Variants in PPM1L observed in about 807,000 individuals in gnomAD.
The protein encoded by PPM1L is protein phosphatase 1L.
Under a neutral mutation model 31.4 loss-of-function variants are expected in PPM1L, and 13 were observed. The observed-to-expected ratio is 0.41, with a 90% CI of 0.27 to 0.66. The LOEUF (loss-of-function observed/expected upper bound fraction) is 0.66, where lower values mean the gene tolerates loss of function less well. Among genes scored for constraint, PPM1L ranks in the 30% least tolerant of loss-of-function variants. PPM1L has a pLI of 0.29. For synonymous variants in PPM1L, 184 were observed against 175.4 expected (o/e 1.05, Z -0.39); for missense variants, 326 against 453.7 (o/e 0.72, Z 2.56).
chr3:160,891,171 C>T (rs1046992324), intron 1 of PPM1L, among the ~76,000 whole-genome samples: 13 of 152,128 alleles, frequency 8.5e-5, no homozygotes, highest in African/African-American at 3.1e-4. Context: ...AAGAAACTAT[C>T]ATCAGAGTGA....
intron 1 of PPM1L, among the ~76,000 whole-genome samples, chr3:160,762,399 C>T (rs1310271156): frequency 6.6e-6 from 1 of 152,160 alleles, no homozygotes; most frequent in Non-Finnish European, 1.5e-5. Context: ...CTTGCTGCGT[C>T]TTCTGAACAG....
intron 2 of PPM1L, among the ~76,000 whole-genome samples, chr3:161,012,918 A>G (rs1341770296): frequency 6.6e-6 from 1 of 150,510 alleles, no homozygotes; most frequent in South Asian, 2.1e-4. Flanking sequence ...TTTTTTCTTT[A>G]TTAGTCTTGC....
intron 1 of PPM1L, among the ~76,000 whole-genome samples, chr3:160,958,978 T>C (rs1465398697): frequency 6.6e-6 from 1 of 152,098 alleles, no homozygotes; most frequent in Admixed American, 6.5e-5. Flanking sequence ...AGTTATTATA[T>C]AAAAAAGACA....
chr3:160,895,495 G>C (rs926434601), intron 1 of PPM1L, among the ~76,000 whole-genome samples: 3 of 152,156 alleles, frequency 2.0e-5, no homozygotes, highest in Admixed American at 2.0e-4. Context: ...TGGGATTACA[G>C]GCATGAACCA....
At chr3:160,913,647 G>A (rs1043356442) in intron 1 of PPM1L, among the ~76,000 whole-genome samples, 4 of 152,108 alleles carry the variant, frequency 2.6e-5, no homozygotes, top group African/African-American at 4.8e-5. Flanking sequence ...TAATGAGATC[G>A]TATAATATGT....
At chr3:161,058,835 T>A (rs1490520386) in intron 2 of PPM1L, among the ~76,000 whole-genome samples, 1 of 152,156 alleles carries the variant, frequency 6.6e-6, no homozygotes, top group African/African-American at 2.4e-5. Flanking sequence ...TAACTAGGAA[T>A]CTAAAAGATG....
At chr3:160,786,192 T>TATATATATATATATATATAC (rs1560106743) in intron 1 of PPM1L, among the ~76,000 whole-genome samples, 4 of 83,188 alleles carry the variant, frequency 4.8e-5, no homozygotes, top group African/African-American at 2.4e-4. Context: ...TGTGTGTATA[T>TATATATATATATATATATAC]ATATATATAT....
chr3:160,953,347 A>G (rs748752341), intron 1 of PPM1L, among the ~76,000 whole-genome samples: 2 of 152,230 alleles, frequency 1.3e-5, no homozygotes, highest in Non-Finnish European at 1.5e-5. Flanking sequence ...TATTTGTTAA[A>G]AAGTGAAGGA....
At chr3:160,881,253 T>C (rs1198678643) in intron 1 of PPM1L, among the ~76,000 whole-genome samples, 1 of 152,194 alleles carries the variant, frequency 6.6e-6, no homozygotes, top group East Asian at 1.9e-4. Context: ...ATGTCAGTTA[T>C]TATTGTTCTA....
In PPM1L at chr3:161,034,551, A is replaced by T. The variant is rs1443154450; in HGVS notation, c.575-30852A>T. Among the ~76,000 whole-genome samples, 3 of 152,078 alleles carry T rather than the reference A, an allele frequency of 2.0e-5. No homozygotes were observed. In the East Asian group the frequency reaches 5.8e-4, roughly 29 times the overall value. ...GTTCATGTCCTTTGCAGGGATGTGGATGAAGCTGGAAACCATCAATCTCAG... is the reference window on the plus strand; with the variant it reads ...GTTCATGTCCTTTGCAGGGATGTGGTTGAAGCTGGAAACCATCAATCTCAG... On this transcript the variant is annotated intron_variant, in intron 2 of 3. Transcript: ENST00000498165.
chr3:160,842,608 C>A (rs997513891), intron 1 of PPM1L, among the ~76,000 whole-genome samples: 1 of 152,168 alleles, frequency 6.6e-6, no homozygotes, highest in African/African-American at 2.4e-5. Context: ...TGATGAGATG[C>A]AGGAAGAAGT....
intron 1 of PPM1L, among the ~76,000 whole-genome samples, chr3:160,817,354 A>G (rs1713028666): frequency 1.3e-5 from 2 of 152,106 alleles, no homozygotes; most frequent in Admixed American, 1.3e-4. Context: ...GGACTGGAAG[A>G]GAGGCAAGAT....
At chr3:160,990,248 C>T (rs1222964849) in intron 2 of PPM1L, among the ~76,000 whole-genome samples, 3 of 152,000 alleles carry the variant, frequency 2.0e-5, no homozygotes. Context: ...ATGATTCTCC[C>T]ACCTCAGCCT....
intron 2 of PPM1L, among the ~76,000 whole-genome samples, chr3:160,986,190 G>T (rs1197179570): frequency 2.0e-5 from 3 of 152,142 alleles, no homozygotes; most frequent in Non-Finnish European, 4.4e-5. Flanking sequence ...ATAGAGTGAG[G>T]TATTACTCAC....
At chr3:160,814,622 CATAT>C (rs1047470514) in intron 1 of PPM1L, among the ~76,000 whole-genome samples, 1 of 143,054 alleles carries the variant, frequency 7.0e-6, no homozygotes, top group African/African-American at 2.7e-5. Context: ...TATACACACA[CATAT>C]GTATGTATGT....
At chr3:160,991,479 C>T (rs1717133574) in intron 2 of PPM1L, among the ~76,000 whole-genome samples, 1 of 152,138 alleles carries the variant, frequency 6.6e-6, no homozygotes, top group Non-Finnish European at 1.5e-5. Context: ...CTCTCAATTA[C>T]AGATATTGAT....
chr3:160,874,279 G>A (rs1019117208), intron 1 of PPM1L, among the ~76,000 whole-genome samples: 4 of 152,166 alleles, frequency 2.6e-5, no homozygotes, highest in Admixed American at 6.5e-5. Context: ...AGAGTCCAGC[G>A]ACATCATTGT....
At chr3:160,864,082 G>A (rs942335097) in intron 1 of PPM1L, among the ~76,000 whole-genome samples, 1 of 152,132 alleles carries the variant, frequency 6.6e-6, no homozygotes, top group Non-Finnish European at 1.5e-5. Flanking sequence ...TTACCACTCC[G>A]TATTGAATTG....
intron 1 of PPM1L, among the ~76,000 whole-genome samples, chr3:160,784,605 A>G (rs1711847391): frequency 6.6e-6 from 1 of 152,234 alleles, no homozygotes; most frequent in Non-Finnish European, 1.5e-5. Flanking sequence ...GAGTTTAACA[A>G]TCTACAAAAG....
Sources: allele counts gnomAD v4.1 joint callset (sites outside exome capture counted in the v4.1 genomes callset), GRCh38; gene constraint gnomAD v4.1.1; transcripts MANE v1.5; gene names NCBI Gene and HGNC (gene_info 2026-07-23, HGNC 2026-07-21).